The following AP2A1 variants were observed in gnomAD, a reference collection of about 807,000 sequenced individuals.
AP2A1 encodes the protein adaptor related protein complex 2 subunit alpha 1, also known as AP-2 complex subunit alpha-1.
AP2A1 carries 21 observed loss-of-function variants against 107.3 expected under a neutral mutation model. The ratio of observed to expected loss-of-function variants is 0.20; its 90% CI spans 0.14 to 0.28. The LOEUF (loss-of-function observed/expected upper bound fraction) is 0.28, where lower values mean the gene tolerates loss of function less well. Ranked by LOEUF, AP2A1 falls within the 10% of genes least tolerant of loss-of-function variation. The pLI, the probability that AP2A1 is intolerant of heterozygous loss-of-function variation, is 1.00. For missense variants in AP2A1, 873 were observed against 1,307.7 expected (o/e 0.67, Z 5.13); for synonymous variants, 602 against 564.8 (o/e 1.07, Z -0.93).
chr19:49,802,340 T>C, intron 15 of AP2A1, 199 bp downstream of exon 15: 1 of 835,538 alleles, frequency 1.2e-6, no homozygotes, highest in Non-Finnish European at 2.0e-6. Context: ...CACTCTGGAC[T>C]CCGCCGACCC....
At position 49,805,645 on chromosome 19, in the gene AP2A1, C is replaced by T. The variant is rs1305158437; in HGVS notation, c.2469-16C>T. ...GAGGGGCGGGGCCTAATGGAGCCTC[C>T]CTTTCACCTCATCAGGTACGGTGGC... On this transcript the variant is annotated splice_polypyrimidine_tract_variant and intron_variant, in intron 19 of 22. Transcript: ENST00000354293. 1 of 1,556,818 alleles carries T rather than the reference C, an allele frequency of 6.4e-7. No homozygotes were observed. Among genetic ancestry groups the T allele is most frequent in the South Asian group, 1.2e-5 (1 of 84,438 alleles).
intron 12 of AP2A1, 68 bp from the exon 13 acceptor site, chr19:49,801,322 C>T: frequency 1.3e-6 from 2 of 1,490,900 alleles, no homozygotes; most frequent in Non-Finnish European, 1.8e-6. Flanking sequence ...GGGAGGGGCA[C>T]CTCTCGAGGG....
In AP2A1 at chr19:49,807,035, C is replaced by A; in HGVS notation, c.*277C>A. ...GGATGTCTCCTCCCCTCCCACCCCA[C>A]CCTGTTGTAGCCCCTCCTACCCCCT... is the stretch of plus-strand genomic sequence containing the variant. On this transcript the variant is annotated 3_prime_UTR_variant, in exon 23 of 23. Coordinates refer to ENST00000354293, the MANE Select transcript of AP2A1 (RefSeq NM_130787.3). 2 of 1,526,640 alleles carry A rather than the reference C, an allele frequency of 1.3e-6. No homozygotes were observed. Among genetic ancestry groups the A allele is most frequent in the Non-Finnish European group, 1.8e-6 (2 of 1,139,866 alleles). 94.6% of individuals were successfully genotyped at this position (1,526,640 alleles called of 1,614,324 possible).
At chr19:49,778,136 C>A (rs892598483) in intron 1 of AP2A1, among the ~76,000 whole-genome samples, 1 of 152,020 alleles carries the variant, frequency 6.6e-6, no homozygotes, top group African/African-American at 2.4e-5. Context: ...TGAATACACT[C>A]GTGTATTAAC....
intron 4 of AP2A1, among the ~76,000 whole-genome samples, chr19:49,787,347 G>GTTTTTTTTTTTTT (rs199550216): frequency 5.2e-5 from 5 of 96,186 alleles, no homozygotes; most frequent in Non-Finnish European, 8.0e-5. Flanking sequence ...TGTTTTTTTT[G>GTTTTTTTTTTTTT]TTTTTTGTTT....
At position 49,788,475 on chromosome 19, in the gene AP2A1, CAG is replaced by C; in HGVS notation, c.474-3457_474-3456del. Among the ~76,000 whole-genome samples, 1 of 152,074 alleles carries C rather than the reference CAG, an allele frequency of 6.6e-6. No homozygotes were observed. Among genetic ancestry groups the C allele is most frequent in the Non-Finnish European group, 1.5e-5 (1 of 68,016 alleles). On this transcript the variant is annotated intron_variant, in intron 4 of 22. Coordinates refer to ENST00000354293, the MANE Select transcript of AP2A1 (RefSeq NM_130787.3). This position sits in a 1 kb window ranked among gnomAD's most constrained non-coding sequence, Gnocchi z 4.5. The stretch of plus-strand genomic sequence containing the variant: ...GGAACACTTAGAGCAGAGTTTGGCC[CAG>C]AGTCAGGACTCGGGAGATGCGCTGT...
intron 1 of AP2A1, among the ~76,000 whole-genome samples, chr19:49,778,038 T>G (rs2084634771): frequency 1.3e-5 from 2 of 152,162 alleles, no homozygotes; most frequent in Non-Finnish European, 2.9e-5. Flanking sequence ...ATATGATATA[T>G]ATTTCTTTAA....
At chr19:49,801,314 G>T in intron 12 of AP2A1, 76 bp from the exon 13 acceptor site, 1 of 1,447,892 alleles carries the variant, frequency 6.9e-7, no homozygotes, top group South Asian at 1.2e-5. Context: ...CCATCCTAGG[G>T]AGGGGCACCT....
Position 49,801,439 on chromosome 19 carries a change from G to C in AP2A1, c.1603G>C (p.Val535Leu). 6.2e-7 allele frequency: 1 copy of C among 1,613,788 alleles called. No homozygotes were observed. Among genetic ancestry groups the C allele is most frequent in the Non-Finnish European group, 8.5e-7 (1 of 1,179,856 alleles). ...LLHSKFHLCS[V>L]ATRALLLSTY... Reference sequence around the variant, plus strand: ...CCACTCCAAGTTCCATCTGTGCAGCGTGGCCACGCGGGCGCTGCTGCTGTC... The same window carrying C: ...CCACTCCAAGTTCCATCTGTGCAGCCTGGCCACGCGGGCGCTGCTGCTGTC... Residue 535 changes from valine to leucine, a missense_variant, in exon 13 of 23, where the codon GTG becomes CTG. Val to Leu is a conservative substitution (Grantham distance 32, BLOSUM62 1). Coordinates refer to ENST00000354293, the MANE Select transcript of AP2A1 (RefSeq NM_130787.3).
At chr19:49,769,010 G>A (rs1008644140) in intron 1 of AP2A1, among the ~76,000 whole-genome samples, 3 of 152,146 alleles carry the variant, frequency 2.0e-5, no homozygotes, top group African/African-American at 7.2e-5. Context: ...AGCACTTTGG[G>A]GGGCCGAGGT....
chr19:49,801,648 C>T (rs752766868), intron 13 of AP2A1, 27 bp downstream of exon 13: 4 of 1,543,180 alleles, frequency 2.6e-6, no homozygotes, highest in Non-Finnish European at 3.5e-6. Context: ...CCCACCCCAC[C>T]CCTCTTGCAC....
In AP2A1 at chr19:49,803,059, C is replaced by A. The variant is rs73934048; in HGVS notation, c.2172-48C>A. The A allele has an allele frequency of 1.1e-3, 1,707 of 1,613,680 alleles. 16 individuals are homozygous for A. In the African/African-American group the frequency reaches 0.02, roughly 19 times the overall value. ...AACGGGACAGGTGCGGAGCCCAGGC[C>A]AGGTGCAGACAGGCACCCCCGTCAT... On this transcript the variant is annotated intron_variant, in intron 16 of 22. Transcript: ENST00000354293.
intron 4 of AP2A1, among the ~76,000 whole-genome samples, chr19:49,789,158 T>C (rs926997717): frequency 1.3e-5 from 2 of 152,154 alleles, no homozygotes; most frequent in Non-Finnish European, 2.9e-5. Context: ...CTCTGAGGAC[T>C]TCTCCCCTGT....
At chr19:49,792,126 TG>T (rs2073151253) in intron 5 of AP2A1, 62 bp downstream of exon 5, 1 of 1,352,270 alleles carries the variant, frequency 7.4e-7, no homozygotes, top group Non-Finnish European at 9.7e-7. Flanking sequence ...CTGACCCCCC[TG>T]GATGCCCGGG....
intron 18 of AP2A1, 109 bp from the exon 19 acceptor site, chr19:49,805,344 G>T (rs1298995874): frequency 1.6e-6 from 2 of 1,262,302 alleles, no homozygotes; most frequent in Non-Finnish European, 2.1e-6. Context: ...GCACCATGGG[G>T]TCCCTCAAAG....
chr19:49,798,956 C>T lies in AP2A1; in HGVS notation c.965+4C>T. ...GCCTCATCATCCACTATGACAGGTG[C>T]CCGCCTGGGCCTATCAGGGCCTGAT... is the stretch of plus-strand genomic sequence containing the variant. On this transcript the variant is annotated splice_donor_region_variant and intron_variant, in intron 8 of 22. Transcript: ENST00000354293. 6.4e-7 allele frequency: 1 copy of T among 1,551,954 alleles called. No homozygotes were observed. The highest frequency in any genetic ancestry group is 8.7e-7 in the Non-Finnish European group (1 of 1,147,094).
intron 4 of AP2A1, among the ~76,000 whole-genome samples, chr19:49,783,071 A>G (rs2084696778): frequency 6.6e-6 from 1 of 152,226 alleles, no homozygotes; most frequent in African/African-American, 2.4e-5. Context: ...TACTGAGCAC[A>G]TACTATGTGC....
At chr19:49,787,885 CCTT>C (rs1679525106) in intron 4 of AP2A1, among the ~76,000 whole-genome samples, 1 of 152,170 alleles carries the variant, frequency 6.6e-6, no homozygotes, top group African/African-American at 2.4e-5. Context: ...CAGTAGGTGG[CCTT>C]CTGTGTCTGG....
At chr19:49,795,061 A>T (rs1039273409) in intron 6 of AP2A1, among the ~76,000 whole-genome samples, 3 of 152,214 alleles carry the variant, frequency 2.0e-5, no homozygotes, top group African/African-American at 7.2e-5. Context: ...GGTCAGACCC[A>T]ATCCCTGCCC....
Sources: allele counts gnomAD v4.1 joint callset (sites outside exome capture counted in the v4.1 genomes callset), GRCh38; gene constraint gnomAD v4.1.1; non-coding constraint Gnocchi (gnomAD v3.1); transcripts MANE v1.5; gene names NCBI Gene and HGNC (gene_info 2026-07-23, HGNC 2026-07-21).